The following SUPV3L1 variants were observed in gnomAD, a reference collection of about 807,000 sequenced individuals.
SUPV3L1 encodes Suv3 like RNA helicase.
In SUPV3L1, 35 loss-of-function variants were observed where a neutral mutation model predicts 70.0. That is an observed-to-expected ratio of 0.50 (90% confidence interval 0.38 to 0.66). SUPV3L1 has a LOEUF of 0.66. SUPV3L1 is among the 30% of genes least tolerant of loss of function. The probability of loss-of-function intolerance (pLI) is 0.00; values close to 1 mark genes in which losing one functional copy is unlikely to be tolerated. For missense variants in SUPV3L1, 777 were observed against 961.5 expected (o/e 0.81, Z 2.54); for synonymous variants, 364 against 341.9 (o/e 1.06, Z -0.71).
rs748939259 is a variant in SUPV3L1 at position 69,189,387 on chromosome 10, C to T, written c.693C>T (p.Gly231=). The T allele has an allele frequency of 2.1e-5, 34 of 1,612,782 alleles. No homozygotes were observed. The South Asian group carries it at 2.2e-4, about 10-fold the overall frequency. ...CAGCAAAGTCTGGAGTGTATTGTGG[C>T]CCTCTAAAATTACTGGCACATGAGA... ...YFSAKSGVYC[G]PLKLLAHEIF... Residue 231 remains glycine, a synonymous_variant, in exon 5 of 15, where the codon GGC becomes GGT. Transcript: ENST00000359655.
intron 1 of SUPV3L1, 80 bp from the exon 2 acceptor site, chr10:69,185,907 T>A (rs778252814): frequency 3.8e-6 from 4 of 1,048,326 alleles, no homozygotes; most frequent in Admixed American, 1.9e-5. Context: ...CCTTTAGTGT[T>A]ATTGCTTCAA....
At chr10:69,193,600 A>T in intron 6 of SUPV3L1, among the ~76,000 whole-genome samples, 1 of 152,074 alleles carries the variant, frequency 6.6e-6, no homozygotes, top group East Asian at 1.9e-4. Flanking sequence ...TGTAGAGAAG[A>T]GGTCTCACTT....
In SUPV3L1 at chr10:69,208,677, A is replaced by G; in HGVS notation, c.2003A>G (p.Asp668Gly). The G allele has an allele frequency of 1.9e-6, 3 of 1,614,228 alleles. No individual in the cohort carries two copies. The highest frequency in any genetic ancestry group is 2.2e-5 in the South Asian group (2 of 91,084). ...AAAGAACTAGATGGTATTATCCAAGATGGTGTGCACAATATCACTAAATTG... is the reference window on the plus strand; with the variant it reads ...AAAGAACTAGATGGTATTATCCAAGGTGGTGTGCACAATATCACTAAATTG... The part of the protein sequence containing the change: ...LQKELDGIIQ[D>G]GVHNITKLIK... Residue 668 changes from aspartate to glycine, a missense_variant, in exon 15 of 15, where the codon GAT (aspartate) becomes GGT (glycine). Around this residue, in one of 2 missense-constraint regions of SUPV3L1, gnomAD observed 619 missense variants for 823.3 expected, o/e 0.75. Transcript: ENST00000359655.
At position 69,180,321 on chromosome 10, in the gene SUPV3L1, T is replaced by A. The variant is rs1436328742; in HGVS notation, c.30T>A (p.Ala10=). Reference sequence around the variant, plus strand: ...CCTTCTCCCGTGCCCTATTGTGGGCTCGGCTCCCGGCGGGGCGCCAGGCTG... The same window carrying A: ...CCTTCTCCCGTGCCCTATTGTGGGCACGGCTCCCGGCGGGGCGCCAGGCTG... MSFSRALLW[A]RLPAGRQAGH... The change falls in exon 1 of 15, where the codon GCT becomes GCA. Residue 10 remains alanine (A), a synonymous_variant. Transcript: ENST00000359655. 2 of 1,613,932 alleles carry A rather than the reference T, an allele frequency of 1.2e-6. No individual in the cohort carries two copies. Among genetic ancestry groups the A allele is most frequent in the South Asian group, 2.2e-5 (2 of 91,066 alleles).
intron 3 of SUPV3L1, among the ~76,000 whole-genome samples, chr10:69,187,112 A>G (rs907123373): frequency 1.3e-5 from 2 of 152,124 alleles, no homozygotes; most frequent in African/African-American, 2.4e-5. Context: ...AGTTTAAAAA[A>G]TGTTTGCGCC....
intron 7 of SUPV3L1, 37 bp downstream of exon 7, chr10:69,195,302 G>A (rs1842514151): frequency 1.3e-6 from 2 of 1,527,236 alleles, no homozygotes; most frequent in East Asian, 4.6e-5. Flanking sequence ...CGTGCTTTAT[G>A]ACATCTGCGC....
Position 69,207,913 on chromosome 10 carries a change from G to C in SUPV3L1, c.1897G>C (p.Asp633His). 6.2e-7 allele frequency: 1 copy of C among 1,614,090 alleles called. No individual in the cohort carries two copies. Among genetic ancestry groups the C allele is most frequent in the Non-Finnish European group, 8.5e-7 (1 of 1,180,010 alleles). The change falls in exon 14 of 15, where the codon GAT becomes CAT. Residue 633 changes from aspartate (D) to histidine (H), a missense_variant. Coordinates refer to ENST00000359655, the MANE Select transcript of SUPV3L1 (RefSeq NM_003171.5). ...KDLMDLEAVH[D>H]VLDLYLWLSY... Reference sequence around the variant, plus strand: ...CCTCATGGATCTTGAAGCTGTCCACGATGTCTTGGATCTTTACTTGTGGCT... The same window carrying C: ...CCTCATGGATCTTGAAGCTGTCCACCATGTCTTGGATCTTTACTTGTGGCT...
Position 69,187,647 on chromosome 10 carries a change from G to GC in SUPV3L1, c.464dup (p.Asp156GlyfsTer2). On this transcript the variant is annotated frameshift_variant, in exon 4 of 15. Transcript: ENST00000359655. LOFTEE classifies it high-confidence loss of function. ...TACAGTGTTTTATTTTCCAGCTCATGCGGATGATTTATTCCCATTTTTCTT... is the reference window on the plus strand; with the variant it reads ...TACAGTGTTTTATTTTCCAGCTCATGCCGGATGATTTATTCCCATTTTTCTT... The GC allele has an allele frequency of 6.2e-7, 1 of 1,603,972 alleles. No individual in the cohort carries two copies. Among genetic ancestry groups the GC allele is most frequent in the Non-Finnish European group, 8.5e-7 (1 of 1,174,148 alleles).
intron 7 of SUPV3L1, among the ~76,000 whole-genome samples, chr10:69,196,267 C>A (rs765143227): frequency 6.6e-6 from 1 of 151,998 alleles, no homozygotes; most frequent in Admixed American, 6.6e-5. Context: ...CGAGGCTGGC[C>A]GATTGCTTGA....
intron 5 of SUPV3L1, 36 bp downstream of exon 5, chr10:69,189,471 T>C: frequency 6.5e-7 from 1 of 1,541,816 alleles, no homozygotes. Flanking sequence ...CATTTTTTTC[T>C]TAATTTTCTT....
intron 1 of SUPV3L1, among the ~76,000 whole-genome samples, chr10:69,181,490 C>G (rs1415398167): frequency 6.6e-6 from 1 of 152,204 alleles, no homozygotes; most frequent in Non-Finnish European, 1.5e-5. Context: ...ATATGTTATT[C>G]TTTGACATAT....
intron 10 of SUPV3L1, among the ~76,000 whole-genome samples, chr10:69,199,972 G>A (rs1842644178): frequency 6.6e-6 from 1 of 152,022 alleles, no homozygotes; most frequent in Admixed American, 6.6e-5. Flanking sequence ...AGCCCCCCGA[G>A]TACTAGAGCA....
At chr10:69,200,549 T>C (rs1334677699) in intron 11 of SUPV3L1, 50 bp downstream of exon 11, 2 of 1,472,600 alleles carry the variant, frequency 1.4e-6, no homozygotes, top group African/African-American at 2.8e-5. Context: ...AGAGTCATTC[T>C]TTCCCTCACC....
chr10:69,205,248 T>C (rs1397235665), intron 13 of SUPV3L1, among the ~76,000 whole-genome samples: 1 of 152,240 alleles, frequency 6.6e-6, no homozygotes, highest in Non-Finnish European at 1.5e-5. Context: ...CTTGAACTGC[T>C]GTAAACTGAC....
chr10:69,189,978 A>G (rs2132277041), intron 5 of SUPV3L1, among the ~76,000 whole-genome samples: 1 of 152,296 alleles, frequency 6.6e-6, no homozygotes, highest in East Asian at 1.9e-4. Flanking sequence ...TTGATTTCAG[A>G]GATACAAAAA....
Position 69,207,649 on chromosome 10 carries a change from A to C in SUPV3L1, c.1777-144A>C, listed in dbSNP as rs572941343. 9.7e-6 allele frequency: 9 copies of C among 929,130 alleles called. No individual in the cohort carries two copies. The East Asian group carries it at 1.6e-4, about 16-fold the overall frequency. 57.6% of individuals were successfully genotyped at this position (929,130 alleles called of 1,614,324 possible). A position where few individuals can be genotyped will look rare whatever the true frequency, so the allele number is the denominator to read the frequency against. ...TATTAAATGTTCTTTAAAATGTAGA[A>C]GAGTATAAAGGAGAAAAGAAACCAC... is the stretch of plus-strand genomic sequence containing the variant. On this transcript the variant is annotated intron_variant, in intron 13 of 14. Transcript: ENST00000359655.
At chr10:69,186,619 A>G in intron 3 of SUPV3L1, 69 bp downstream of exon 3, 2 of 1,340,132 alleles carry the variant, frequency 1.5e-6, no homozygotes, top group Non-Finnish European at 2.1e-6. Context: ...CTTCATGCTC[A>G]TTTCTCTAGA....
intron 2 of SUPV3L1, 117 bp downstream of exon 2, chr10:69,186,181 T>C (rs2132269219): frequency 2.1e-6 from 2 of 945,168 alleles, no homozygotes; most frequent in Non-Finnish European, 3.3e-6. Flanking sequence ...ACGTCCCTGC[T>C]CTTTGCTTCT....
At chr10:69,202,333 T>G in intron 11 of SUPV3L1, 106 bp from the exon 12 acceptor site, 38 of 810,526 alleles carry the variant, frequency 4.7e-5, no homozygotes, top group Non-Finnish European at 6.3e-5. Flanking sequence ...CTTCATATGG[T>G]GAGAGCTTAG....
Sources: allele counts gnomAD v4.1 joint callset (sites outside exome capture counted in the v4.1 genomes callset), GRCh38; gene constraint gnomAD v4.1.1; regional missense constraint gnomAD v4.1.1; transcripts MANE v1.5; gene names NCBI Gene and HGNC (gene_info 2026-07-23, HGNC 2026-07-21).